Variants in ASXL2 observed in about 807,000 individuals in gnomAD.
ASXL2 encodes the protein ASXL transcriptional regulator 2, also known as putative Polycomb group protein ASXL2.
In ASXL2, 23 loss-of-function variants were observed where a neutral mutation model predicts 122.0. The ratio of observed to expected loss-of-function variants is 0.19; its 90% CI spans 0.14 to 0.27. The LOEUF (loss-of-function observed/expected upper bound fraction) is 0.27. Among genes scored for constraint, ASXL2 ranks in the 10% least tolerant of loss-of-function variants. The pLI is 1.00. For synonymous variants in ASXL2, 650 were observed against 637.0 expected (o/e 1.02, Z -0.31); for missense variants, 1,518 against 1,713.8 (o/e 0.89, Z 2.02).
At chr2:25,866,226 G>T (rs1168152267) in intron 1 of ASXL2, among the ~76,000 whole-genome samples, 4 of 151,646 alleles carry the variant, frequency 2.6e-5, no homozygotes, top group Non-Finnish European at 5.9e-5. Flanking sequence ...TGCCTCCTGG[G>T]TTCAAGCGAT....
At chr2:25,846,676 C>G (rs1391605558) in intron 1 of ASXL2, among the ~76,000 whole-genome samples, 2 of 151,908 alleles carry the variant, frequency 1.3e-5, no homozygotes, top group East Asian at 3.9e-4. Flanking sequence ...ATTAGCAGGG[C>G]ATGGTGGTGC....
At chr2:25,866,171 G>A (rs930086245) in intron 1 of ASXL2, among the ~76,000 whole-genome samples, 3 of 145,406 alleles carry the variant, frequency 2.1e-5, no homozygotes, top group Admixed American at 7.1e-5. Context: ...TCGCTCTGTC[G>A]CAAGGCTGGA....
rs774520718 is a variant in ASXL2, at chr2:25,743,055, A to G, written c.3282T>C (p.Gly1094=). 1 of 1,613,970 alleles carries G rather than the reference A, an allele frequency of 6.2e-7. No homozygotes were observed. Among genetic ancestry groups the G allele is most frequent in the South Asian group, 1.1e-5 (1 of 91,080 alleles). ...TTGTGGAGATGTCTTCCAGCTGGAA[A>G]CCTGAGTGAGCGAAGTTGAACTGTG... ...PPSQFNFAHS[G]FQLEDISTSQ... The change falls in exon 13 of 13, where the codon GGT becomes GGC. Residue 1094 remains glycine, a synonymous_variant. Transcript: ENST00000435504.
At chr2:25,801,893 T>C (rs1231003638) in intron 4 of ASXL2, among the ~76,000 whole-genome samples, 3 of 152,208 alleles carry the variant, frequency 2.0e-5, no homozygotes, top group Non-Finnish European at 2.9e-5. Context: ...TTGATTATGC[T>C]TTTCTCCTGA....
chr2:25,876,829 AAG>A (rs1441652782), intron 1 of ASXL2, among the ~76,000 whole-genome samples: 4 of 152,230 alleles, frequency 2.6e-5, no homozygotes, highest in African/African-American at 9.6e-5. Flanking sequence ...ATTTCCAACT[AAG>A]AGAGATACAA....
At chr2:25,799,971 C>T (rs2088970151) in intron 4 of ASXL2, among the ~76,000 whole-genome samples, 1 of 147,748 alleles carries the variant, frequency 6.8e-6, no homozygotes, top group Non-Finnish European at 1.5e-5. Flanking sequence ...ATGGTGAAAC[C>T]CGTCTCTACA....
Position 25,735,233 on chromosome 2 carries a change from T to C in ASXL2, c.*6796A>G, listed in dbSNP as rs1404352248. On this transcript the variant is annotated 3_prime_UTR_variant, in exon 13 of 13. Coordinates refer to ENST00000435504, the MANE Select transcript of ASXL2 (RefSeq NM_018263.6). ...AAGTTACATGGAAGTACAGAGTCTA[T>C]ACAGTCTCTATGAAAAACAAAAGCA... 6.6e-6 allele frequency: 1 copy of C among 152,202 alleles called. No homozygotes were observed. Among genetic ancestry groups the C allele is most frequent in the East Asian group, 1.9e-4 (1 of 5,200 alleles). 9.4% of individuals were successfully genotyped at this position (152,202 alleles called of 1,614,324 possible). A position where few individuals can be genotyped will look rare whatever the true frequency, so the allele number is the denominator to read the frequency against.
intron 1 of ASXL2, among the ~76,000 whole-genome samples, chr2:25,865,464 A>AT (rs1447755095): frequency 8.8e-5 from 13 of 147,616 alleles, no homozygotes; most frequent in Admixed American, 7.4e-4. Flanking sequence ...TGTTATAAAA[A>AT]TTTTTTTTAA....
At chr2:25,847,470 C>G (rs774216524) in intron 1 of ASXL2, among the ~76,000 whole-genome samples, 7 of 152,170 alleles carry the variant, frequency 4.6e-5, no homozygotes, top group Non-Finnish European at 1.0e-4. Flanking sequence ...ACCAAGCTTT[C>G]ACCACTCACG....
At chr2:25,790,668 C>G (rs1456896473) in intron 5 of ASXL2, among the ~76,000 whole-genome samples, 1 of 151,818 alleles carries the variant, frequency 6.6e-6, no homozygotes, top group Admixed American at 6.6e-5. Context: ...AGCTTATATA[C>G]CAGTGATGAG....
chr2:25,752,342 G>C (rs1228754573), intron 11 of ASXL2, among the ~76,000 whole-genome samples: 1 of 152,058 alleles, frequency 6.6e-6, no homozygotes, highest in Admixed American at 6.5e-5. Context: ...CTTTTGTTGG[G>C]GGGGAAAAAC....
rs930206682 is a variant in ASXL2 at position 25,741,941 on chromosome 2, A to G, written c.*88T>C. 3 of 1,283,258 alleles carry G rather than the reference A, an allele frequency of 2.3e-6. No homozygotes were observed. Among genetic ancestry groups the G allele is most frequent in the African/African-American group, 3.0e-5 (2 of 67,160 alleles). The allele number at this position is 1,283,258 out of a possible 1,614,324, so 79.5% of individuals were successfully genotyped here. A position where few individuals can be genotyped will look rare whatever the true frequency, so the allele number is the denominator to read the frequency against. Reference sequence around the variant, plus strand: ...GAAGACAACTGAAACCTACTTGTTTATTTCTGTGATTCCAAAAGGACGCAA... The same window carrying G: ...GAAGACAACTGAAACCTACTTGTTTGTTTCTGTGATTCCAAAAGGACGCAA... On this transcript the variant is annotated 3_prime_UTR_variant, in exon 13 of 13. Transcript: ENST00000435504.
rs972261494 is a variant in ASXL2, at chr2:25,843,340, T to C, written c.140+2141A>G. ...AAAAAATAGAGACGGGGTTTTACCATGTTGCCCAGGCTGGTCTCAAACTCC... is the reference window on the plus strand; with the variant it reads ...AAAAAATAGAGACGGGGTTTTACCACGTTGCCCAGGCTGGTCTCAAACTCC... On this transcript the variant is annotated intron_variant, in intron 2 of 12. Transcript: ENST00000435504. 4.7e-5 allele frequency among the ~76,000 whole-genome samples: 7 copies of C among 149,094 alleles called. No individual in the cohort carries two copies. The East Asian group carries it at 8.0e-4, about 17-fold the overall frequency.
chr2:25,848,518 G>A (rs1307579324), intron 1 of ASXL2, among the ~76,000 whole-genome samples: 1 of 152,234 alleles, frequency 6.6e-6, no homozygotes, highest in East Asian at 1.9e-4. Flanking sequence ...TGCTACTTGG[G>A]AGGCTGAGGC....
At chr2:25,861,510 G>C (rs1459449768) in intron 1 of ASXL2, among the ~76,000 whole-genome samples, 1 of 152,168 alleles carries the variant, frequency 6.6e-6, no homozygotes, top group Admixed American at 6.6e-5. Context: ...GCCCAGATGG[G>C]TTTACTAGTG....
At chr2:25,785,022 G>C (rs1330568793) in intron 5 of ASXL2, among the ~76,000 whole-genome samples, 2 of 152,138 alleles carry the variant, frequency 1.3e-5, no homozygotes, top group Non-Finnish European at 2.9e-5. Flanking sequence ...CAGGCTAATA[G>C]AATTTTTCCC....
At chr2:25,768,708 A>T in intron 7 of ASXL2, 34 bp downstream of exon 7, 1 of 1,596,802 alleles carries the variant, frequency 6.3e-7, no homozygotes, top group South Asian at 1.1e-5. Flanking sequence ...TAGGAAAAAG[A>T]AACTTCCATT....
At chr2:25,755,894 G>A (rs1282892870) in intron 10 of ASXL2, 124 bp downstream of exon 10, 2 of 820,720 alleles carry the variant, frequency 2.4e-6, no homozygotes, top group Non-Finnish European at 2.0e-6. Context: ...ACACATGATG[G>A]TTAATTCTAT....
chr2:25,814,779 G>T (rs2089213454), intron 3 of ASXL2, among the ~76,000 whole-genome samples: 1 of 152,168 alleles, frequency 6.6e-6, no homozygotes, highest in Non-Finnish European at 1.5e-5. Context: ...GTCAATCATT[G>T]TACTGCTTAG....
Sources: gnomAD v4.1 joint callset for allele counts (sites outside exome capture counted in the v4.1 genomes callset) on GRCh38, gnomAD v4.1.1 for gene constraint, MANE v1.5 for transcripts, NCBI Gene and HGNC (gene_info 2026-07-23, HGNC 2026-07-21) for gene names.